Variants in JAK2 observed in about 807,000 individuals in gnomAD.
The protein encoded by JAK2 is tyrosine-protein kinase JAK2.
A neutral mutation model predicts 139.3 loss-of-function variants in JAK2; 86 were observed. The ratio of observed to expected loss-of-function variants is 0.62; its 90% confidence interval spans 0.52 to 0.74. The LOEUF is 0.74. JAK2 is among the 30% of genes least tolerant of loss of function. JAK2 has a pLI of 0.00. For synonymous variants in JAK2, 490 were observed against 437.7 expected, an observed-to-expected ratio of 1.12 and a Z score of -1.49; for missense variants, 1,421 against 1,360.3, an observed-to-expected ratio of 1.04 and a Z score of -0.70.
At chr9:5,029,205 T>C (rs1293475947) in intron 3 of JAK2, among the ~76,000 whole-genome samples, 1 of 152,172 alleles carries the variant, frequency 6.6e-6, no homozygotes, top group Non-Finnish European at 1.5e-5. Flanking sequence ...ATTTCCATAT[T>C]GTTGTGTCTC....
chr9:5,016,755 C>A (rs1049337270), intron 2 of JAK2, among the ~76,000 whole-genome samples: 1 of 152,162 alleles, frequency 6.6e-6, no homozygotes, highest in Non-Finnish European at 1.5e-5. Context: ...TGCCCTCCCA[C>A]TATCCCAACC....
At chr9:5,061,916 G>T (rs1478636604) in intron 8 of JAK2, among the ~76,000 whole-genome samples, 4 of 152,150 alleles carry the variant, frequency 2.6e-5, no homozygotes, top group African/African-American at 9.7e-5. Flanking sequence ...TTATTAATTG[G>T]CCTAATTTCA....
intron 22 of JAK2, among the ~76,000 whole-genome samples, chr9:5,122,469 G>A (rs929805009): frequency 3.3e-5 from 5 of 152,030 alleles, no homozygotes; most frequent in African/African-American, 1.2e-4. Context: ...CTTGCAAAGA[G>A]CAGCTTATTT....
chr9:5,114,098 C>T (rs146841577), intron 22 of JAK2: 19 of 342,576 alleles, frequency 5.5e-5, no homozygotes, highest in African/African-American at 3.4e-4. Flanking sequence ...GCTGGCTGCC[C>T]GACCACACCT....
At chr9:5,008,389 T>G (rs1231247125) in intron 2 of JAK2, among the ~76,000 whole-genome samples, 1 of 152,210 alleles carries the variant, frequency 6.6e-6, no homozygotes, top group Non-Finnish European at 1.5e-5. Flanking sequence ...TGATTGCTTG[T>G]ATTTCTCAGT....
intron 4 of JAK2, among the ~76,000 whole-genome samples, chr9:5,030,209 T>A (rs1019158387): frequency 6.6e-6 from 1 of 152,210 alleles, no homozygotes; most frequent in Non-Finnish European, 1.5e-5. Context: ...CCTAAATGTT[T>A]GGGATATTGC....
rs573856944 is a variant in JAK2 at position 5,122,924 on chromosome 9, T to C, written c.3060-80T>C. Reference sequence around the variant, plus strand: ...TTTCTCTACATGTTTTTTTTTTTAATTTATACAATGATTTGCAGGTAAAAT... The same window carrying C: ...TTTCTCTACATGTTTTTTTTTTTAACTTATACAATGATTTGCAGGTAAAAT... On this transcript the variant is annotated intron_variant, in intron 22 of 24. Transcript: ENST00000381652. The C allele has an allele frequency of 3.3e-5, 28 of 846,816 alleles. No individual in the cohort carries two copies. In the East Asian group the frequency reaches 4.8e-4, roughly 14 times the overall value. The allele number at this position is 846,816 out of a possible 1,614,324, so 52.5% of individuals were successfully genotyped here. A position where few individuals can be genotyped will look rare whatever the true frequency, so the allele number is the denominator to read the frequency against.
At position 5,029,914 on chromosome 9, in the gene JAK2, C is replaced by G. The variant is rs374591930; in HGVS notation, c.350+8C>G. 1.7e-4 allele frequency: 268 copies of G among 1,572,294 alleles called. No homozygotes were observed. The highest frequency in any genetic ancestry group is 2.2e-4 in the Non-Finnish European group (256 of 1,165,406). The stretch of plus-strand genomic sequence containing the variant: ...TGTACTCTACAGAATAAGGTACTTT[C>G]TTCAGTAAAGTAACTCACTTAATGC... On this transcript the variant is annotated splice_region_variant and intron_variant, in intron 4 of 24. Coordinates refer to ENST00000381652, the MANE Select transcript of JAK2 (RefSeq NM_004972.4).
chr9:5,112,044 A>C, intron 22 of JAK2: 1 of 410,146 alleles, frequency 2.4e-6, no homozygotes, highest in South Asian at 1.8e-5. Flanking sequence ...CTTATCACCC[A>C]GCTACGACGG....
Position 5,077,522 on chromosome 9 carries a change from T to C in JAK2, c.1934T>C (p.Ile645Thr), listed in dbSNP as rs755989986. 3 of 1,477,560 alleles carry C rather than the reference T, an allele frequency of 2.0e-6. No individual in the cohort carries two copies. Among genetic ancestry groups the C allele is most frequent in the Admixed American group, 4.4e-5 (2 of 45,796 alleles). 91.5% of individuals were successfully genotyped at this position (1,477,560 alleles called of 1,614,324 possible). A position where few individuals can be genotyped will look rare whatever the true frequency, so the allele number is the denominator to read the frequency against. The change falls in exon 15 of 25, where the codon ATA (isoleucine) becomes ACA (threonine). Residue 645 changes from isoleucine (I) to threonine (T), a missense_variant. Transcript: ENST00000381652. ...TATCTGAAAAAGAATAAAAATTGTA[T>C]AAATATATTATGGAAACTTGAAGTT... is the stretch of plus-strand genomic sequence containing the variant. ...DTYLKKNKNC[I>T]NILWKLEVAK... is the part of the protein sequence containing the mutation.
intron 24 of JAK2, 54 bp from the exon 25 acceptor site, chr9:5,126,630 T>C: frequency 7.8e-7 from 1 of 1,277,002 alleles, no homozygotes; most frequent in Non-Finnish European, 1.1e-6. Flanking sequence ...CTTCCACCAA[T>C]TAAAAGATGG....
intron 22 of JAK2, among the ~76,000 whole-genome samples, chr9:5,103,704 C>A (rs1339665077): frequency 6.6e-6 from 1 of 152,066 alleles, no homozygotes; most frequent in African/African-American, 2.4e-5. Context: ...GAACAGATAT[C>A]ACAACAAACT....
At chr9:5,101,925 T>G (rs1273528009) in intron 22 of JAK2, among the ~76,000 whole-genome samples, 5 of 152,082 alleles carry the variant, frequency 3.3e-5, no homozygotes, top group African/African-American at 1.2e-4. Context: ...CAAAAGTAGA[T>G]AAAACCACAA....
At chr9:4,996,206 T>A (rs1820550538) in intron 2 of JAK2, among the ~76,000 whole-genome samples, 1 of 152,174 alleles carries the variant, frequency 6.6e-6, no homozygotes, top group Non-Finnish European at 1.5e-5. Flanking sequence ...TTTTTAAGCT[T>A]TTTAAGTAGA....
chr9:5,077,577 T>C lies in JAK2; in HGVS notation c.1989T>C (p.Phe663=). The change falls in exon 15 of 25, where the codon TTT becomes TTC. Residue 663 remains phenylalanine (F), a synonymous_variant. Coordinates refer to ENST00000381652, the MANE Select transcript of JAK2 (RefSeq NM_004972.4). The part of the protein sequence containing the change: ...VAKQLAWAMH[F]LEENTLIHGN... ...AACAGTTGGCATGGGCCATGCATTT[T>C]CTAGTAAGTAGTACAACCTTTTTAT... 1 of 1,479,080 alleles carries C rather than the reference T, an allele frequency of 6.8e-7. No individual in the cohort carries two copies. The highest frequency in any genetic ancestry group is 9.0e-7 in the Non-Finnish European group (1 of 1,115,490). The allele number at this position is 1,479,080 out of a possible 1,614,324, so 91.6% of individuals were successfully genotyped here.
intron 19 of JAK2, among the ~76,000 whole-genome samples, chr9:5,083,026 C>A (rs1044077805): frequency 6.6e-6 from 1 of 152,170 alleles, no homozygotes; most frequent in Non-Finnish European, 1.5e-5. Context: ...GAGGCTTTAA[C>A]ATGTAATGTG....
chr9:5,031,569 T>C (rs1271292902), intron 4 of JAK2, among the ~76,000 whole-genome samples: 2 of 152,202 alleles, frequency 1.3e-5, no homozygotes, highest in Non-Finnish European at 2.9e-5. Flanking sequence ...AAATTATAGA[T>C]TGATTAAAGA....
intron 22 of JAK2, among the ~76,000 whole-genome samples, chr9:5,104,234 C>A (rs1481827088): frequency 6.6e-6 from 1 of 152,098 alleles, no homozygotes; most frequent in Non-Finnish European, 1.5e-5. Flanking sequence ...AAGGGGATAT[C>A]ACCACCGATC....
intron 4 of JAK2, 125 bp from the exon 5 acceptor site, chr9:5,044,278 A>G: frequency 3.1e-6 from 2 of 648,972 alleles, no homozygotes; most frequent in Non-Finnish European, 2.7e-6. Flanking sequence ...TATATTTAAT[A>G]CTGTTAGCTG....
Sources: allele counts gnomAD v4.1 joint callset (sites outside exome capture counted in the v4.1 genomes callset), GRCh38; gene constraint gnomAD v4.1.1; transcripts MANE v1.5; gene names NCBI Gene and HGNC (gene_info 2026-07-23, HGNC 2026-07-21).